Variants in ROBO2 observed in about 807,000 individuals in gnomAD.
ROBO2 encodes the protein roundabout guidance receptor 2.
Under a neutral mutation model 160.8 loss-of-function variants are expected in ROBO2, and 53 were observed. The ratio of observed to expected loss-of-function variants is 0.33; its 90% confidence interval spans 0.26 to 0.41. The LOEUF (loss-of-function observed/expected upper bound fraction) is 0.41. Ranked by LOEUF, ROBO2 falls within the 10% of genes least tolerant of loss-of-function variation. ROBO2 has a pLI of 1.00. For synonymous variants in ROBO2, 664 were observed against 611.7 expected (o/e 1.09, Z -1.26); for missense variants, 1,577 against 1,722.4 (o/e 0.92, Z 1.49).
intron 1 of ROBO2, among the ~76,000 whole-genome samples, chr3:77,048,649 T>C (rs2064927129): frequency 6.6e-6 from 1 of 152,244 alleles, no homozygotes; most frequent in Non-Finnish European, 1.5e-5. Context: ...TAACATTTGG[T>C]ATCCACTCAC....
At chr3:76,970,143 C>T (rs1424100874) in intron 2 of ROBO2, among the ~76,000 whole-genome samples, 1 of 152,108 alleles carries the variant, frequency 6.6e-6, no homozygotes, top group Non-Finnish European at 1.5e-5. Flanking sequence ...ATTACAATTT[C>T]TGCTGTGACT....
At chr3:76,963,841 AAAAAAAAAG>A (rs1017965839) in intron 2 of ROBO2, among the ~76,000 whole-genome samples, 3 of 150,704 alleles carry the variant, frequency 2.0e-5, no homozygotes, top group Non-Finnish European at 3.0e-5. Context: ...AACTGCAAAA[AAAAAAAAAG>A]AAAAAAAAGA....
At chr3:77,256,701 C>G (rs2058439225) in intron 2 of ROBO2, among the ~76,000 whole-genome samples, 1 of 152,044 alleles carries the variant, frequency 6.6e-6, no homozygotes, top group South Asian at 2.1e-4. Context: ...AAGCCTATTC[C>G]CAAGAGAGGC....
chr3:76,639,678 G>C (rs1378897660), intron 2 of ROBO2, among the ~76,000 whole-genome samples: 1 of 152,156 alleles, frequency 6.6e-6, no homozygotes, highest in East Asian at 1.9e-4. Flanking sequence ...GGTAGAGGGA[G>C]AGAATGAATA....
At chr3:77,297,528 CG>C (rs1377462559) in intron 2 of ROBO2, among the ~76,000 whole-genome samples, 1 of 152,068 alleles carries the variant, frequency 6.6e-6, no homozygotes, top group African/African-American at 2.4e-5. Context: ...AAACTCCCTC[CG>C]GAATGCTGGG....
chr3:77,180,613 G>T (rs2150841009), intron 2 of ROBO2, among the ~76,000 whole-genome samples: 1 of 150,110 alleles, frequency 6.7e-6, no homozygotes, highest in Non-Finnish European at 1.5e-5. Flanking sequence ...TACCATATTG[G>T]TTTAATGAAA....
rs190194698 is a variant in ROBO2, at chr3:77,617,406, G to A, written c.3294-107G>A. 1,310 of 1,271,160 alleles carry A rather than the reference G, an allele frequency of 1.0e-3. 3 individuals carry two copies. Among genetic ancestry groups the A allele is most frequent in the Non-Finnish European group, 1.2e-3 (1,062 of 884,188 alleles). 78.7% of individuals were successfully genotyped at this position (1,271,160 alleles called of 1,614,324 possible). A position where few individuals can be genotyped will look rare whatever the true frequency, so the allele number is the denominator to read the frequency against. On this transcript the variant is annotated intron_variant, in intron 21 of 25. Transcript: ENST00000461745. ...AGCTTCAGGAAGAAATAAACCGAGA[G>A]AACATTTCAGATACCATGTGGTTGC... is the stretch of plus-strand genomic sequence containing the variant.
chr3:76,941,492 C>T (rs187625959), intron 2 of ROBO2, among the ~76,000 whole-genome samples: 43 of 152,280 alleles, frequency 2.8e-4, no homozygotes, highest in African/African-American at 1.0e-3. Context: ...AACTTTCTCC[C>T]TACCTCTCAA....
chr3:77,151,104 C>T (rs2077516202), intron 2 of ROBO2, among the ~76,000 whole-genome samples: 15 of 152,084 alleles, frequency 9.9e-5, no homozygotes, highest in Admixed American at 9.8e-4. Flanking sequence ...AGACCTAGAT[C>T]TTGTCCTCTT....
At chr3:76,481,195 A>G (rs918170897) in intron 2 of ROBO2, among the ~76,000 whole-genome samples, 1 of 152,162 alleles carries the variant, frequency 6.6e-6, no homozygotes, top group South Asian at 2.1e-4. Context: ...TGAACACTCA[A>G]GCTGGGTCTC....
intron 2 of ROBO2, among the ~76,000 whole-genome samples, chr3:77,368,656 G>A (rs954287038): frequency 2.6e-5 from 4 of 152,110 alleles, no homozygotes; most frequent in East Asian, 1.9e-4. Context: ...ATGTGTCTCC[G>A]CACAATTCCT....
chr3:76,274,563 G>T (rs1707805967), intron 2 of ROBO2, among the ~76,000 whole-genome samples: 1 of 152,106 alleles, frequency 6.6e-6, no homozygotes, highest in Non-Finnish European at 1.5e-5. Context: ...GCAGGGCCGG[G>T]CACGGTGGAT....
chr3:76,357,533 T>C (rs11720512), intron 2 of ROBO2, among the ~76,000 whole-genome samples: 5 of 151,962 alleles, frequency 3.3e-5, no homozygotes, highest in Admixed American at 1.3e-4. Context: ...AATTCCTTTG[T>C]GGGTTGGGGT....
intron 1 of ROBO2, among the ~76,000 whole-genome samples, chr3:77,064,896 A>G (rs1248462700): frequency 6.6e-6 from 1 of 152,162 alleles, no homozygotes; most frequent in Admixed American, 6.5e-5. Context: ...CATAAGGTTG[A>G]TGGCCACCAA....
intron 6 of ROBO2, among the ~76,000 whole-genome samples, chr3:77,529,279 C>T (rs1158659817): frequency 6.6e-6 from 1 of 151,236 alleles, no homozygotes; most frequent in Non-Finnish European, 1.5e-5. Flanking sequence ...ACTTTGCAAC[C>T]TTATTTAGAA....
intron 1 of ROBO2, among the ~76,000 whole-genome samples, chr3:75,927,045 G>A (rs1223019625): frequency 2.6e-5 from 4 of 152,158 alleles, no homozygotes; most frequent in African/African-American, 9.6e-5. Context: ...TAATATTTGA[G>A]TGTGAATAAA....
intron 1 of ROBO2, among the ~76,000 whole-genome samples, chr3:77,072,201 T>C (rs1229119227): frequency 1.3e-5 from 2 of 152,154 alleles, no homozygotes; most frequent in Non-Finnish European, 2.9e-5. Context: ...GATCTTTCAC[T>C]GTCTCCCATC....
chr3:76,808,250 T>A (rs1340510367), intron 2 of ROBO2, among the ~76,000 whole-genome samples: 1 of 151,936 alleles, frequency 6.6e-6, no homozygotes, highest in Non-Finnish European at 1.5e-5. Context: ...ACAGGACCCC[T>A]GTCCTTAACC....
intron 2 of ROBO2, among the ~76,000 whole-genome samples, chr3:76,855,403 C>G (rs1330413480): frequency 6.6e-6 from 1 of 152,140 alleles, no homozygotes; most frequent in Non-Finnish European, 1.5e-5. Flanking sequence ...TGTCTGTCCT[C>G]CATAAGCTAT....
Sources: gnomAD v4.1 joint callset for allele counts (sites outside exome capture counted in the v4.1 genomes callset) on GRCh38, gnomAD v4.1.1 for gene constraint, MANE v1.5 for transcripts, NCBI Gene and HGNC (gene_info 2026-07-23, HGNC 2026-07-21) for gene names.